Variants in PTPRR observed in about 807,000 individuals in gnomAD.
PTPRR encodes receptor-type tyrosine-protein phosphatase R.
In PTPRR, 38 loss-of-function variants were observed where a neutral mutation model predicts 77.2. That is an observed-to-expected ratio of 0.49 (90% CI 0.38 to 0.65). The LOEUF (loss-of-function observed/expected upper bound fraction) is 0.65. PTPRR is among the 30% of genes least tolerant of loss of function. The pLI is 0.00. For synonymous variants in PTPRR, 299 were observed against 283.1 expected (o/e 1.06, Z -0.57); for missense variants, 744 against 799.2 (o/e 0.93, Z 0.83).
At chr12:70,733,666 T>C (rs1889765845) in intron 6 of PTPRR, among the ~76,000 whole-genome samples, 2 of 152,154 alleles carry the variant, frequency 1.3e-5, no homozygotes, top group African/African-American at 4.8e-5. Flanking sequence ...CAGATAATCA[T>C]GCTGCATTGC....
intron 6 of PTPRR, among the ~76,000 whole-genome samples, chr12:70,728,528 A>AATATATATATATATAT (rs71068723): frequency 3.7e-4 from 30 of 80,128 alleles, no homozygotes; most frequent in East Asian, 7.5e-4. Flanking sequence ...CCAAAATCTG[A>AATATATATATATATAT]ATATATATAT....
chr12:70,809,486 T>A (rs375477092), intron 2 of PTPRR, among the ~76,000 whole-genome samples: 18 of 152,184 alleles, frequency 1.2e-4, no homozygotes, highest in African/African-American at 4.3e-4. Flanking sequence ...CTTTTAAAAA[T>A]ATGCATTATT....
chr12:70,720,238 G>T (rs34334882), intron 6 of PTPRR, among the ~76,000 whole-genome samples: 10,099 of 152,190 alleles, frequency 0.066, 463 homozygotes, highest in South Asian at 0.12. Flanking sequence ...ACCTGGGCTC[G>T]AATCCTATCT....
At chr12:70,842,480 C>A (rs533111830) in intron 2 of PTPRR, among the ~76,000 whole-genome samples, 10 of 152,316 alleles carry the variant, frequency 6.6e-5, no homozygotes, top group Admixed American at 5.9e-4. Context: ...AGGCCAGAGT[C>A]TGAAATCAAA....
At chr12:70,875,189 C>A (rs4506749) in intron 2 of PTPRR, among the ~76,000 whole-genome samples, 103,075 of 151,866 alleles carry the variant, frequency 0.68, 36,221 homozygotes, top group African/African-American at 0.87. Context: ...AAAGTTTTCC[C>A]TGGATATTAC....
intron 2 of PTPRR, among the ~76,000 whole-genome samples, chr12:70,851,301 G>A (rs1384167082): frequency 5.3e-5 from 8 of 152,062 alleles, no homozygotes; most frequent in Non-Finnish European, 1.0e-4. Context: ...AAATAAGTGA[G>A]AATGAGAATC....
intron 2 of PTPRR, among the ~76,000 whole-genome samples, chr12:70,792,769 A>G (rs1421033064): frequency 2.6e-5 from 4 of 152,144 alleles, no homozygotes; most frequent in African/African-American, 9.7e-5. Flanking sequence ...TTTTTTGCAC[A>G]AAGTAAACTC....
intron 10 of PTPRR, among the ~76,000 whole-genome samples, chr12:70,666,305 AT>A (rs1352469785): frequency 6.6e-6 from 1 of 152,150 alleles, no homozygotes; most frequent in Non-Finnish European, 1.5e-5. Context: ...GCATTGACCA[AT>A]GACCTGTTCC....
chr12:70,759,869 T>C (rs918068666), intron 4 of PTPRR, among the ~76,000 whole-genome samples: 3 of 152,038 alleles, frequency 2.0e-5, no homozygotes, highest in African/African-American at 7.2e-5. Flanking sequence ...ATATACCATA[T>C]TAAGAAATCT....
intron 2 of PTPRR, among the ~76,000 whole-genome samples, chr12:70,890,619 A>G (rs1294681543): frequency 1.3e-5 from 2 of 152,128 alleles, no homozygotes; most frequent in Admixed American, 6.6e-5. Flanking sequence ...AAAAATGCCT[A>G]TAATTTCTCC....
At chr12:70,799,909 C>T (rs949999519) in intron 2 of PTPRR, among the ~76,000 whole-genome samples, 2 of 152,090 alleles carry the variant, frequency 1.3e-5, no homozygotes, top group Non-Finnish European at 2.9e-5. Context: ...ATTAGCAGCT[C>T]ATCATAAATA....
intron 6 of PTPRR, among the ~76,000 whole-genome samples, chr12:70,735,527 A>G (rs1460537212): frequency 1.3e-5 from 2 of 152,192 alleles, no homozygotes; most frequent in African/African-American, 4.8e-5. Flanking sequence ...GGTCCCTCCC[A>G]TGACATGTGG....
At chr12:70,915,085 T>A (rs1893756201) in intron 1 of PTPRR, among the ~76,000 whole-genome samples, 1 of 151,934 alleles carries the variant, frequency 6.6e-6, no homozygotes, top group Non-Finnish European at 1.5e-5. Context: ...GACCTAAAAG[T>A]ACAAATTGAG....
chr12:70,756,134 T>A (rs1170943394), intron 4 of PTPRR, among the ~76,000 whole-genome samples: 1 of 148,518 alleles, frequency 6.7e-6, no homozygotes, highest in Admixed American at 6.6e-5. Context: ...TTTGGTTCAT[T>A]TTTTTTTCTT....
intron 10 of PTPRR, among the ~76,000 whole-genome samples, chr12:70,683,490 G>T (rs1038923949): frequency 6.6e-6 from 1 of 152,132 alleles, no homozygotes; most frequent in Non-Finnish European, 1.5e-5. Flanking sequence ...ATTGGTTTCT[G>T]TAACTGTCCT....
chr12:70,672,685 G>A, intron 10 of PTPRR: 1 of 1,546,868 alleles, frequency 6.5e-7, no homozygotes, highest in Non-Finnish European at 8.8e-7. Flanking sequence ...GGTCAAGACA[G>A]AGGAGCGGAT....
intron 2 of PTPRR, among the ~76,000 whole-genome samples, chr12:70,851,369 T>C (rs917943679): frequency 6.6e-6 from 1 of 152,124 alleles, no homozygotes; most frequent in African/African-American, 2.4e-5. Flanking sequence ...AACCAAGAGA[T>C]GGGAAAAGTG....
intron 2 of PTPRR, among the ~76,000 whole-genome samples, chr12:70,808,975 C>G (rs1352600655): frequency 1.3e-5 from 2 of 152,050 alleles, no homozygotes; most frequent in Non-Finnish European, 2.9e-5. Flanking sequence ...TTTAGTTGTT[C>G]TATGTGGAGA....
At chr12:70,719,346 A>G (rs1312282170) in intron 6 of PTPRR, among the ~76,000 whole-genome samples, 1 of 152,076 alleles carries the variant, frequency 6.6e-6, no homozygotes, top group African/African-American at 2.4e-5. Flanking sequence ...AAAGTTCACG[A>G]ATGCAAACTT....
Sources: allele counts gnomAD v4.1 joint callset (sites outside exome capture counted in the v4.1 genomes callset), GRCh38; gene constraint gnomAD v4.1.1; transcripts MANE v1.5; gene names NCBI Gene and HGNC (gene_info 2026-07-23, HGNC 2026-07-21).